CCDC171: variants seen among roughly 807,000 people sequenced by gnomAD.
The protein encoded by CCDC171 is coiled-coil domain-containing protein 171.
CCDC171 carries 177 observed loss-of-function variants against 168.2 expected under a neutral mutation model. The observed-to-expected ratio is 1.05, with a 90% CI of 0.93 to 1.19. CCDC171 has a LOEUF of 1.19. Ranked by LOEUF, CCDC171 falls within the 50% of genes most tolerant of loss-of-function variation. CCDC171 has a pLI of 0.00. For missense variants in CCDC171, 1,991 were observed against 1,539.0 expected, an observed-to-expected ratio of 1.29 and a Z score of -4.91; for synonymous variants, 687 against 540.8, an observed-to-expected ratio of 1.27 and a Z score of -3.75.
intron 3 of CCDC171, among the ~76,000 whole-genome samples, chr9:15,998,223 G>A (rs998745093): frequency 5.3e-5 from 8 of 152,182 alleles, no homozygotes; most frequent in African/African-American, 1.7e-4. Context: ...GCCATACAGA[G>A]CTGTCTAATT....
chr9:15,945,133 G>C (rs1191947621), intron 25 of CCDC171, among the ~76,000 whole-genome samples: 1 of 149,448 alleles, frequency 6.7e-6, no homozygotes, highest in Non-Finnish European at 1.5e-5. Context: ...TGCGGTGTTT[G>C]GTTTTTTGTT....
At chr9:15,886,204 A>G (rs1169479666) in intron 24 of CCDC171, 1 of 152,212 alleles carries the variant, frequency 6.6e-6, no homozygotes, top group African/African-American at 2.4e-5. Context: ...CAACTTGTGG[A>G]ATAGGAAAAA....
intron 6 of CCDC171, among the ~76,000 whole-genome samples, chr9:15,609,944 A>G (rs982913347): frequency 2.6e-5 from 4 of 152,104 alleles, no homozygotes; most frequent in East Asian, 1.9e-4. Context: ...ACATCCTTAT[A>G]ATGCTTATCT....
rs2044668884 is a variant in CCDC171 at position 15,623,383 on chromosome 9, A to T, written c.792A>T (p.Gln264His). 1 of 1,610,904 alleles carries T rather than the reference A, an allele frequency of 6.2e-7. No homozygotes were observed. The highest frequency in any genetic ancestry group is 8.5e-7 in the Non-Finnish European group (1 of 1,178,282). The stretch of plus-strand genomic sequence containing the variant: ...CAAGTGAACTTGAATTTAGCACTCA[A>T]CGAGAGGAACGCCTTAGAAAAGAAT... ...RQTSELEFSTQREERLRKEFE... is the reference protein window; with the variant it reads ...RQTSELEFSTHREERLRKEFE... The change falls in exon 7 of 26, where the codon CAA (glutamine) becomes CAT (histidine). Residue 264 changes from glutamine to histidine, a missense_variant. Physicochemically the swap from Gln to His is conservative, Grantham distance 24. Transcript: ENST00000380701.
chr9:15,966,992 G>A (rs1406299731), intron 25 of CCDC171, among the ~76,000 whole-genome samples: 1 of 151,994 alleles, frequency 6.6e-6, no homozygotes, highest in Non-Finnish European at 1.5e-5. Flanking sequence ...GTTTTTATGT[G>A]TATATATATC....
At chr9:15,674,937 T>A (rs561951816) in intron 9 of CCDC171, among the ~76,000 whole-genome samples, 2 of 152,284 alleles carry the variant, frequency 1.3e-5, no homozygotes, top group African/African-American at 4.8e-5. Flanking sequence ...GTCTCGTTGA[T>A]CTGTCTAATA....
chr9:15,940,443 G>A (rs1827584539), intron 25 of CCDC171, among the ~76,000 whole-genome samples: 1 of 151,812 alleles, frequency 6.6e-6, no homozygotes. Flanking sequence ...ACATAAGGAA[G>A]GATATACACA....
chr9:15,869,941 T>C (rs1352758316), intron 23 of CCDC171, among the ~76,000 whole-genome samples: 2 of 151,884 alleles, frequency 1.3e-5, no homozygotes, highest in East Asian at 3.9e-4. Context: ...ATATTATCTT[T>C]CTTCTATATC....
At chr9:15,976,747 T>C (rs545441150), downstream of CCDC171, among the ~76,000 whole-genome samples, 63 of 152,010 alleles carry the variant, frequency 4.1e-4, 1 homozygote, top group South Asian at 0.011. Context: ...TTTGTTATAA[T>C]TGAAGTGAGA....
chr9:15,578,564 C>T (rs1009925618), intron 3 of CCDC171, among the ~76,000 whole-genome samples: 3 of 151,306 alleles, frequency 2.0e-5, no homozygotes, highest in Non-Finnish European at 2.9e-5. Context: ...GCCACCGTGC[C>T]TGGCCAAGGT....
At chr9:16,030,774 C>G (rs1231606459) in intron 6 of CCDC171, among the ~76,000 whole-genome samples, 1 of 152,112 alleles carries the variant, frequency 6.6e-6, no homozygotes, top group Non-Finnish European at 1.5e-5. Context: ...ACCACGCTGG[C>G]CAGGAGCTTG....
chr9:16,053,947 C>A (rs947448607), intron 1 of CCDC171, among the ~76,000 whole-genome samples: 1 of 152,242 alleles, frequency 6.6e-6, no homozygotes, highest in Non-Finnish European at 1.5e-5. Flanking sequence ...CACTCTCCTT[C>A]GAGCCTCAGA....
chr9:15,677,879 C>CAG (rs1554754296), intron 9 of CCDC171, among the ~76,000 whole-genome samples: 1 of 12,480 alleles, frequency 8.0e-5, no homozygotes, highest in Non-Finnish European at 1.7e-4. Flanking sequence ...GTGTGTGTGT[C>CAG]ATATATATAT....
intron 21 of CCDC171, among the ~76,000 whole-genome samples, chr9:15,833,526 T>C (rs773116341): frequency 1.3e-5 from 2 of 152,232 alleles, no homozygotes; most frequent in Non-Finnish European, 2.9e-5. Flanking sequence ...ATTTTCTCTG[T>C]AATTAGTTGA....
intron 7 of CCDC171, 50 bp downstream of exon 7, chr9:15,623,463 A>ACACGCGCGCG: frequency 1.6e-6 from 1 of 633,910 alleles, no homozygotes; most frequent in South Asian, 1.9e-5. Context: ...ACTTTCACAT[A>ACACGCGCGCG]TGCGCGCGCG....
upstream of CCDC171, among the ~76,000 whole-genome samples, chr9:16,042,337 A>G (rs955513491): frequency 6.6e-6 from 1 of 152,210 alleles, no homozygotes; most frequent in East Asian, 1.9e-4. Context: ...GAGGATCATG[A>G]GGATTCTGGC....
In CCDC171 at chr9:15,630,730, T is replaced by C. The variant is rs530129915; in HGVS notation, c.822+7317T>C. On this transcript the variant is annotated intron_variant, in intron 7 of 25. Coordinates refer to ENST00000380701, the MANE Select transcript of CCDC171 (RefSeq NM_173550.4). ...CAAATCAACAGAATATACATTTTTT[T>C]CAGCACCACACCTACTCCAAAATTG... 1.2e-4 allele frequency among the ~76,000 whole-genome samples: 19 copies of C among 152,054 alleles called. No individual in the cohort carries two copies. The East Asian group carries it at 3.5e-3, about 28-fold the overall frequency.
chr9:15,736,473 C>A (rs189115950), intron 16 of CCDC171, among the ~76,000 whole-genome samples: 184 of 152,016 alleles, frequency 1.2e-3, no homozygotes, highest in Non-Finnish European at 1.6e-4. Context: ...ACCTCAGCCT[C>A]CCAAGTAACT....
chr9:15,779,644 GCCA>G (rs2057554030), intron 20 of CCDC171, among the ~76,000 whole-genome samples: 2 of 152,192 alleles, frequency 1.3e-5, no homozygotes, highest in African/African-American at 4.8e-5. Flanking sequence ...ACAGGTGTGA[GCCA>G]CTGCACCTGG....
Sources: gnomAD v4.1 joint callset for allele counts (sites outside exome capture counted in the v4.1 genomes callset) on GRCh38, gnomAD v4.1.1 for gene constraint, MANE v1.5 for transcripts, NCBI Gene and HGNC (gene_info 2026-07-23, HGNC 2026-07-21) for gene names.